The following TINAG variants were observed in gnomAD, a reference collection of about 807,000 sequenced individuals.
TINAG encodes the protein tubulointerstitial nephritis antigen.
In TINAG, 83 loss-of-function variants were observed where a neutral mutation model predicts 72.7. The observed-to-expected ratio is 1.14, with a 90% CI of 0.96 to 1.37. TINAG has a LOEUF of 1.37. Ranked by LOEUF, TINAG falls within the 40% of genes most tolerant of loss-of-function variation. The pLI, the probability that TINAG is intolerant of heterozygous loss-of-function variation, is 0.00. For missense variants in TINAG, 685 were observed against 576.6 expected, an observed-to-expected ratio of 1.19 and a Z score of -1.93; for synonymous variants, 234 against 189.9, an observed-to-expected ratio of 1.23 and a Z score of -1.91.
chr6:54,335,206 C>T (rs1015791269), intron 4 of TINAG, among the ~76,000 whole-genome samples: 1 of 152,130 alleles, frequency 6.6e-6, no homozygotes, highest in African/African-American at 2.4e-5. Context: ...ACATTTCTTT[C>T]CCAAGTTTCC....
intron 10 of TINAG, 79 bp from the exon 11 acceptor site, chr6:54,389,712 C>A: frequency 6.7e-7 from 1 of 1,495,844 alleles, no homozygotes; most frequent in African/African-American, 1.4e-5. Context: ...TTTAAAGTTA[C>A]AAATGAGTTC....
intron 1 of TINAG, among the ~76,000 whole-genome samples, chr6:54,319,339 G>C (rs531113163): frequency 6.6e-6 from 1 of 152,208 alleles, no homozygotes; most frequent in Non-Finnish European, 1.5e-5. Context: ...AGTTATGAAA[G>C]GAGTCTAATC....
At chr6:54,389,692 A>T (rs932754511) in intron 10 of TINAG, 99 bp from the exon 11 acceptor site, 2 of 1,401,194 alleles carry the variant, frequency 1.4e-6, no homozygotes, top group African/African-American at 2.9e-5. Flanking sequence ...TCTATGATAA[A>T]TCAAAGGCAT....
intron 1 of TINAG, among the ~76,000 whole-genome samples, chr6:54,310,678 CTCTT>C (rs912550075): frequency 2.4e-5 from 3 of 125,284 alleles, no homozygotes; most frequent in Admixed American, 7.5e-5. Context: ...CTTTCTCTCC[CTCTT>C]TCTTTCTTCT....
At chr6:54,384,800 T>C in intron 10 of TINAG, among the ~76,000 whole-genome samples, 1 of 152,200 alleles carries the variant, frequency 6.6e-6, no homozygotes, top group African/African-American at 2.4e-5. Flanking sequence ...AATAAGTAAA[T>C]GTATGAAAGA....
At chr6:54,353,308 C>G (rs80296296) in intron 8 of TINAG, among the ~76,000 whole-genome samples, 1 of 151,834 alleles carries the variant, frequency 6.6e-6, no homozygotes, top group Admixed American at 6.6e-5. Context: ...AATATCTTCA[C>G]ATTTTTATAA....
chr6:54,357,833 G>A (rs758554967), intron 9 of TINAG, among the ~76,000 whole-genome samples: 7 of 151,862 alleles, frequency 4.6e-5, no homozygotes, highest in East Asian at 1.9e-4. Flanking sequence ...TAGAAAACAG[G>A]GTTTTCCTTT....
chr6:54,310,837 TTCTC>T lies in TINAG; in HGVS notation c.355+1940_355+1943del, dbSNP rs552478434. Among the ~76,000 whole-genome samples the T allele has an allele frequency of 2.1e-3, 309 of 149,754 alleles. 2 individuals carry two copies. Among genetic ancestry groups the T allele is most frequent in the Admixed American group, 4.5e-3 (68 of 15,014 alleles). Reference sequence around the variant, plus strand: ...CTCCCTCTTTCTTTCTCTTTCTTTTTTCTCTCTCTCTTTCTCTCGCTCTTTCTTT... The same window carrying T: ...CTCCCTCTTTCTTTCTCTTTCTTTTTTCTCTCTTTCTCTCGCTCTTTCTTT... On this transcript the variant is annotated intron_variant, in intron 1 of 10. Transcript: ENST00000259782.
chr6:54,358,051 A>C (rs932303759), intron 9 of TINAG, among the ~76,000 whole-genome samples: 3 of 151,672 alleles, frequency 2.0e-5, no homozygotes, highest in African/African-American at 7.3e-5. Context: ...TGATTATTTA[A>C]TGTTTCAGCA....
intron 7 of TINAG, 120 bp from the exon 8 acceptor site, chr6:54,351,232 A>G (rs1181221363): frequency 1.3e-6 from 1 of 750,974 alleles, no homozygotes; most frequent in Non-Finnish European, 2.2e-6. Context: ...AGCATAATAT[A>G]CGTGAGTTTT....
chr6:54,361,813 T>C (rs961347125), intron 9 of TINAG, among the ~76,000 whole-genome samples: 1 of 151,594 alleles, frequency 6.6e-6, no homozygotes, highest in Non-Finnish European at 1.5e-5. Flanking sequence ...CCAACAAATA[T>C]ACAAATATTA....
chr6:54,349,538 G>A (rs1785209776), intron 6 of TINAG, among the ~76,000 whole-genome samples, 178 bp from the exon 7 acceptor site: 1 of 151,884 alleles, frequency 6.6e-6, no homozygotes, highest in Admixed American at 6.6e-5. Context: ...TAAGAGGAGG[G>A]TAGGGAAGAG....
intron 9 of TINAG, among the ~76,000 whole-genome samples, 157 bp from the exon 10 acceptor site, chr6:54,380,369 C>T (rs1017155122): frequency 1.1e-4 from 17 of 151,996 alleles, no homozygotes. Flanking sequence ...ACTATATGAG[C>T]ACATTTCTGT....
At chr6:54,322,820 T>C (rs1490879229) in intron 3 of TINAG, among the ~76,000 whole-genome samples, 1 of 152,224 alleles carries the variant, frequency 6.6e-6, no homozygotes, top group Non-Finnish European at 1.5e-5. Context: ...CCAATTATAA[T>C]TTTCTGTGGC....
rs561296437 is a variant in TINAG, at chr6:54,308,875, C to T, written c.325C>T (p.Pro109Ser). 3.1e-6 allele frequency: 5 copies of T among 1,612,478 alleles called. No individual in the cohort carries two copies. The East Asian group carries it at 8.9e-5, about 29-fold the overall frequency. ...CTTTTGCCGTGAAGAGAAAGAATGGCCTCCTCACACACAGCCTTGGTATCC... is the reference window on the plus strand; with the variant it reads ...CTTTTGCCGTGAAGAGAAAGAATGGTCTCCTCACACACAGCCTTGGTATCC... Reference protein sequence around the residue: ...KSFCREEKEWPPHTQPWYPEG... With the variant: ...KSFCREEKEWSPHTQPWYPEG... Residue 109 changes from proline (P) to serine (S), a missense_variant, in exon 1 of 11, where the codon CCT becomes TCT. Physicochemically the swap from Pro to Ser is moderately conservative, Grantham distance 74. Transcript: ENST00000259782.
At chr6:54,351,533 T>C (rs1040778900) in intron 8 of TINAG, 136 bp downstream of exon 8, 19 of 673,474 alleles carry the variant, frequency 2.8e-5, no homozygotes, top group African/African-American at 2.8e-4. Context: ...TCAACAGTTC[T>C]AAAATGAGTG....
At chr6:54,316,706 C>T (rs760188763) in intron 1 of TINAG, among the ~76,000 whole-genome samples, 2 of 152,034 alleles carry the variant, frequency 1.3e-5, no homozygotes, top group Non-Finnish European at 2.9e-5. Flanking sequence ...AGCATAGATA[C>T]TTATAATACA....
chr6:54,327,587 G>T (rs1327891713), intron 4 of TINAG, among the ~76,000 whole-genome samples: 1 of 152,008 alleles, frequency 6.6e-6, no homozygotes, highest in Non-Finnish European at 1.5e-5. Flanking sequence ...GTAGTGCCTG[G>T]AATGCCAGTG....
chr6:54,333,880 TA>T (rs1230439465), intron 4 of TINAG, among the ~76,000 whole-genome samples: 7 of 151,838 alleles, frequency 4.6e-5, no homozygotes, highest in Admixed American at 4.6e-4. Flanking sequence ...TGATGATTAG[TA>T]AAGGTTGATC....
Sources: allele counts gnomAD v4.1 joint callset (sites outside exome capture counted in the v4.1 genomes callset), GRCh38; gene constraint gnomAD v4.1.1; transcripts MANE v1.5; gene names NCBI Gene and HGNC (gene_info 2026-07-23, HGNC 2026-07-21).